The following SLC28A1 variants were observed in gnomAD, a reference collection of about 807,000 sequenced individuals.
The protein encoded by SLC28A1 is solute carrier family 28 member 1, also known as sodium/nucleoside cotransporter 1.
Under a neutral mutation model 74.8 loss-of-function variants are expected in SLC28A1, and 64 were observed. The observed-to-expected ratio is 0.86, with a 90% CI of 0.70 to 1.05. SLC28A1 has a LOEUF of 1.05. Among genes scored for constraint, SLC28A1 ranks in the 50% least tolerant of loss-of-function variants. SLC28A1 has a pLI of 0.00. For synonymous variants in SLC28A1, 359 were observed against 335.0 expected (o/e 1.07, Z -0.78); for missense variants, 828 against 822.8 (o/e 1.01, Z -0.08).
chr15:84,893,411 G>A (rs1488022504), intron 5 of SLC28A1, among the ~76,000 whole-genome samples: 1 of 152,196 alleles, frequency 6.6e-6, no homozygotes, highest in African/African-American at 2.4e-5. Flanking sequence ...ACCCGTTCAG[G>A]TAGGAACTCC....
At chr15:84,886,028 A>G (rs779017578) in intron 1 of SLC28A1, 6 of 505,524 alleles carry the variant, frequency 1.2e-5, no homozygotes, top group Non-Finnish European at 1.5e-5. Context: ...CGTACCATTA[A>G]TTATTAAAGA....
At chr15:84,890,641 TG>T (rs1374010427) in intron 5 of SLC28A1, 107 bp downstream of exon 5, 1 of 942,884 alleles carries the variant, frequency 1.1e-6, no homozygotes, top group Non-Finnish European at 1.7e-6. Context: ...AAATGGTTGT[TG>T]AGCACCAACT....
At chr15:84,958,501 T>TATA in the SLC28A1 span, among the ~76,000 whole-genome samples, 4,617 of 152,264 alleles carry the variant, frequency 0.03, 231 homozygotes, top group African/African-American at 0.1. Context: ...GTTAATAGCT[T>TATA]AGTAGGGAAT....
chr15:84,944,484 C>T lies in SLC28A1; in HGVS notation c.1664-82C>T, dbSNP rs551060950. On this transcript the variant is annotated intron_variant, in intron 16 of 18. Coordinates refer to ENST00000394573, the MANE Select transcript of SLC28A1 (RefSeq NM_004213.5). ...CTATTAATAGAAGAGGAAGGGAGGT[C>T]AGCAGATGCAGCCCGAGCTGCGGAA... The T allele has an allele frequency of 2.0e-5, 18 of 893,026 alleles. No homozygotes were observed. In the Admixed American group the frequency reaches 2.3e-4, roughly 11 times the overall value. 55.3% of individuals were successfully genotyped at this position (893,026 alleles called of 1,614,324 possible).
At chr15:84,938,888 C>T (rs944313635) in intron 15 of SLC28A1, among the ~76,000 whole-genome samples, 2 of 152,146 alleles carry the variant, frequency 1.3e-5, no homozygotes, top group African/African-American at 4.8e-5. Flanking sequence ...AAGGAAGAGG[C>T]ATGTGCAAAG....
chr15:84,890,633 AT>A (rs1965267270), intron 5 of SLC28A1, 99 bp downstream of exon 5: 1 of 990,002 alleles, frequency 1.0e-6, no homozygotes, highest in Non-Finnish European at 1.5e-6. Context: ...CATTCAACAA[AT>A]GGTTGTTGAG....
intron 10 of SLC28A1, among the ~76,000 whole-genome samples, chr15:84,920,303 G>A (rs539179557): frequency 6.6e-5 from 10 of 152,196 alleles, no homozygotes; most frequent in South Asian, 2.1e-4. Context: ...AAAATTAGCC[G>A]GGCATGGTGG....
At chr15:84,962,067 T>G in the SLC28A1 span, among the ~76,000 whole-genome samples, 1 of 152,132 alleles carries the variant, frequency 6.6e-6, no homozygotes, top group African/African-American at 2.4e-5. Context: ...ACCTAAATTT[T>G]TTTTTAAATT....
At chr15:84,953,448 C>T in the SLC28A1 span, among the ~76,000 whole-genome samples, 1 of 152,126 alleles carries the variant, frequency 6.6e-6, no homozygotes, top group Admixed American at 6.5e-5. Flanking sequence ...CAGTGGAAAG[C>T]CTGAGCCAGG....
chr15:84,935,576 A>G, intron 15 of SLC28A1, 58 bp downstream of exon 15: 1 of 1,476,510 alleles, frequency 6.8e-7, no homozygotes, highest in Non-Finnish European at 9.4e-7. Flanking sequence ...GCCACTCCTC[A>G]GGGCCCCTGG....
intron 1 of SLC28A1, among the ~76,000 whole-genome samples, chr15:84,885,806 G>A (rs1002454839): frequency 1.3e-5 from 2 of 151,810 alleles, no homozygotes; most frequent in Admixed American, 1.3e-4. Flanking sequence ...AGATTCCGGG[G>A]ACTTTAACTT....
the SLC28A1 span, among the ~76,000 whole-genome samples, chr15:84,972,946 C>T: frequency 3.3e-5 from 5 of 152,154 alleles, no homozygotes; most frequent in African/African-American, 1.2e-4. Flanking sequence ...TCCCAGGAGC[C>T]TCCTCTCTGA....
At chr15:84,968,729 T>A in the SLC28A1 span, among the ~76,000 whole-genome samples, 3 of 152,266 alleles carry the variant, frequency 2.0e-5, no homozygotes, top group Admixed American at 6.5e-5. Context: ...GAGAACGATC[T>A]GTTGCCTTCT....
chr15:84,911,875 A>AAAGAAGAAG (rs1266037653), intron 9 of SLC28A1, among the ~76,000 whole-genome samples: 1 of 111,814 alleles, frequency 8.9e-6, no homozygotes, highest in Non-Finnish European at 1.8e-5. Context: ...AAAAAAAAAA[A>AAAGAAGAAG]AAGAAGAAGA....
downstream of SLC28A1, among the ~76,000 whole-genome samples, chr15:84,946,438 A>G (rs1367526095): frequency 6.6e-6 from 1 of 152,028 alleles, no homozygotes; most frequent in Non-Finnish European, 1.5e-5. Flanking sequence ...TCCTTACAAC[A>G]ACTTCATGCA....
intron 5 of SLC28A1, among the ~76,000 whole-genome samples, chr15:84,893,133 T>A (rs1965547580): frequency 6.6e-6 from 1 of 151,362 alleles, no homozygotes; most frequent in Non-Finnish European, 1.5e-5. Context: ...ACAGACCTTC[T>A]TGGCCTCCTA....
At chr15:84,944,955 G>A in intron 18 of SLC28A1, 88 bp downstream of exon 18, 1 of 1,138,144 alleles carries the variant, frequency 8.8e-7, no homozygotes, top group East Asian at 2.4e-5. Context: ...TGGTACCAGG[G>A]TGAGGGTAGA....
chr15:84,885,753 G>C (rs1964528935), intron 1 of SLC28A1, among the ~76,000 whole-genome samples: 1 of 147,270 alleles, frequency 6.8e-6, no homozygotes, highest in Non-Finnish European at 1.5e-5. Flanking sequence ...AAAAAAGGAG[G>C]AAAATGCCAC....
chr15:84,945,348 A>G lies in SLC28A1; in HGVS notation c.*148A>G. 1 of 728,398 alleles carries G rather than the reference A, an allele frequency of 1.4e-6. No individual in the cohort carries two copies. The allele number at this position is 728,398 out of a possible 1,614,324, so 45.1% of individuals were successfully genotyped here. Reference sequence around the variant, plus strand: ...TCCCACAATTGGGAAGGGTTCATGGAGTGAGTGTGCAGAGAGTGAGTGAGG... The same window carrying G: ...TCCCACAATTGGGAAGGGTTCATGGGGTGAGTGTGCAGAGAGTGAGTGAGG... On this transcript the variant is annotated 3_prime_UTR_variant, in exon 19 of 19. Transcript: ENST00000394573.
Sources: gnomAD v4.1 joint callset for allele counts (sites outside exome capture counted in the v4.1 genomes callset) on GRCh38, gnomAD v4.1.1 for gene constraint, MANE v1.5 for transcripts, NCBI Gene and HGNC (gene_info 2026-07-23, HGNC 2026-07-21) for gene names.